FRMD6: variants seen among roughly 807,000 people sequenced by gnomAD.
FRMD6 encodes FERM domain containing 6.
Under a neutral mutation model 73.2 loss-of-function variants are expected in FRMD6, and 37 were observed. That is an observed-to-expected ratio of 0.51 (90% confidence interval 0.39 to 0.66). The LOEUF is 0.66. Among genes scored for constraint, FRMD6 ranks in the 30% least tolerant of loss-of-function variants. The probability of loss-of-function intolerance (pLI) is 0.00; values close to 1 mark genes in which losing one functional copy is unlikely to be tolerated. For synonymous variants in FRMD6, 273 were observed against 282.2 expected (o/e 0.97, Z 0.33); for missense variants, 714 against 780.5 (o/e 0.91, Z 1.02).
chr14:51,615,583 CTAGGTGGAA>C (rs1890678076), intron 2 of FRMD6, among the ~76,000 whole-genome samples: 1 of 152,116 alleles, frequency 6.6e-6, no homozygotes, highest in African/African-American at 2.4e-5. Context: ...GCCCAAGAAG[CTAGGTGGAA>C]AATTGTTTTA....
At chr14:51,423,280 G>A in the FRMD6 span, among the ~76,000 whole-genome samples, 1 of 152,108 alleles carries the variant, frequency 6.6e-6, no homozygotes, top group Non-Finnish European at 1.5e-5. Context: ...TAGTTCTCAC[G>A]GCAGAGCCTC....
chr14:51,578,610 T>C (rs1888532711), intron 2 of FRMD6, among the ~76,000 whole-genome samples: 1 of 152,150 alleles, frequency 6.6e-6, no homozygotes, highest in South Asian at 2.1e-4. Flanking sequence ...GATCTAGAAC[T>C]TGAGTTTTGC....
intron 2 of FRMD6, among the ~76,000 whole-genome samples, chr14:51,615,534 A>G (rs73290917): frequency 0.012 from 1,756 of 152,270 alleles, 36 homozygotes; most frequent in African/African-American, 0.04. Flanking sequence ...GGCCTGCAGG[A>G]ATGAAAATCA....
At chr14:51,428,231 T>A in the FRMD6 span, among the ~76,000 whole-genome samples, 2 of 152,140 alleles carry the variant, frequency 1.3e-5, no homozygotes, top group African/African-American at 2.4e-5. Context: ...TGCATTAGAA[T>A]CACCTGGGGA....
At chr14:51,727,055 C>T (rs1898000481) in intron 13 of FRMD6, among the ~76,000 whole-genome samples, 1 of 152,040 alleles carries the variant, frequency 6.6e-6, no homozygotes, top group African/African-American at 2.4e-5. Flanking sequence ...CTGCTGTGTA[C>T]AGCATTTGGC....
At chr14:51,704,340 T>G (rs1415855852) in intron 5 of FRMD6, among the ~76,000 whole-genome samples, 2 of 152,146 alleles carry the variant, frequency 1.3e-5, no homozygotes, top group African/African-American at 4.8e-5. Flanking sequence ...GCAGGATTGC[T>G]CCTCAGATTT....
rs541199276 is a variant in FRMD6, at chr14:51,670,098, G to A, written c.-147+18102G>A. The stretch of plus-strand genomic sequence containing the variant: ...GTAATTTAATTTTAATTTTTTTAGA[G>A]ACAAGTCTCACTCTGTTGCCAAGAC... On this transcript the variant is annotated intron_variant, in intron 1 of 13. Transcript: ENST00000344768. 3.3e-5 allele frequency among the ~76,000 whole-genome samples: 5 copies of A among 152,070 alleles called. No individual in the cohort carries two copies. In the East Asian group the frequency reaches 9.7e-4, roughly 29 times the overall value.
At chr14:51,421,324 C>A in the FRMD6 span, among the ~76,000 whole-genome samples, 11 of 152,100 alleles carry the variant, frequency 7.2e-5, no homozygotes, top group Non-Finnish European at 1.2e-4. Context: ...TTGAAAGCAG[C>A]AGGAAAATAA....
chr14:51,549,352 A>G (rs1302466229), intron 1 of FRMD6, among the ~76,000 whole-genome samples: 1 of 152,206 alleles, frequency 6.6e-6, no homozygotes, highest in Non-Finnish European at 1.5e-5. Flanking sequence ...CTAGCTTAAT[A>G]TCACAATCAC....
At chr14:51,559,557 G>A (rs1887362431) in intron 1 of FRMD6, among the ~76,000 whole-genome samples, 1 of 151,124 alleles carries the variant, frequency 6.6e-6, no homozygotes, top group Admixed American at 6.6e-5. Context: ...AAGCTAGAAT[G>A]ACTCCTCTGA....
chr14:51,616,154 A>T (rs1890700677), intron 2 of FRMD6, among the ~76,000 whole-genome samples: 1 of 152,160 alleles, frequency 6.6e-6, no homozygotes, highest in Admixed American at 6.5e-5. Flanking sequence ...GAGGATAGGA[A>T]GTTGAGATGT....
At chr14:51,564,826 G>A (rs1439819217) in intron 1 of FRMD6, among the ~76,000 whole-genome samples, 2 of 152,152 alleles carry the variant, frequency 1.3e-5, no homozygotes, top group Non-Finnish European at 2.9e-5. Flanking sequence ...TTATCAACAT[G>A]TGGGATATTT....
chr14:51,681,436 C>G (rs1469099290), intron 1 of FRMD6, among the ~76,000 whole-genome samples: 1 of 152,144 alleles, frequency 6.6e-6, no homozygotes, highest in African/African-American at 2.4e-5. Flanking sequence ...AAGTGCTTCA[C>G]ATATGAGTAA....
At chr14:51,413,464 C>T in the FRMD6 span, among the ~76,000 whole-genome samples, 6 of 152,296 alleles carry the variant, frequency 3.9e-5, no homozygotes, top group East Asian at 9.6e-4. Flanking sequence ...CCATCTTCAT[C>T]CGTGTCCCTG....
intron 1 of FRMD6, among the ~76,000 whole-genome samples, chr14:51,549,952 C>T (rs1886715619): frequency 6.6e-6 from 1 of 152,162 alleles, no homozygotes; most frequent in Admixed American, 6.5e-5. Flanking sequence ...ACTCCCCTGC[C>T]CCCAGCACAT....
intron 1 of FRMD6, among the ~76,000 whole-genome samples, chr14:51,670,951 G>T (rs1473885789): frequency 6.6e-6 from 1 of 152,128 alleles, no homozygotes; most frequent in East Asian, 1.9e-4. Flanking sequence ...CCGGCGGTTT[G>T]TATGTTTTAT....
chr14:51,396,952 C>A, the FRMD6 span: 7 of 152,160 alleles, frequency 4.6e-5, no homozygotes, highest in Non-Finnish European at 8.8e-5. Context: ...GCACACCATG[C>A]GAGGGGCAGG....
At chr14:51,671,103 G>A (rs576476912) in intron 1 of FRMD6, among the ~76,000 whole-genome samples, 3 of 152,228 alleles carry the variant, frequency 2.0e-5, no homozygotes, top group South Asian at 4.1e-4. Context: ...TACACCCAAC[G>A]TGGTCATCAT....
In FRMD6 at chr14:51,554,463, C is replaced by G. The variant is rs115004828; in HGVS notation, c.-209-15885C>G. ...AAGAGTAACTTTACAGTGGGGAAAC[C>G]TTACAAACAGTACCTCAACCGGGTG... On this transcript the variant is annotated intron_variant, in intron 1 of 14. Coordinates refer to the FRMD6 transcript ENST00000356218. Among the ~76,000 whole-genome samples the G allele has an allele frequency of 3.1e-3, 474 of 152,212 alleles. 2 individuals are homozygous for G. Among genetic ancestry groups the G allele is most frequent in the African/African-American group, 0.011 (454 of 41,526 alleles).
Sources: allele counts gnomAD v4.1 joint callset (sites outside exome capture counted in the v4.1 genomes callset), GRCh38; gene constraint gnomAD v4.1.1; transcripts MANE v1.5; gene names NCBI Gene and HGNC (gene_info 2026-07-23, HGNC 2026-07-21).